The following SNTG1 variants were observed in gnomAD, a reference collection of about 807,000 sequenced individuals.
SNTG1 encodes the protein gamma-1-syntrophin.
A neutral mutation model predicts 74.7 loss-of-function variants in SNTG1; 39 were observed. The observed-to-expected ratio is 0.52, with a 90% CI of 0.40 to 0.68. SNTG1 has a LOEUF of 0.68. Ranked by LOEUF, SNTG1 falls within the 30% of genes least tolerant of loss-of-function variation. The pLI, the probability that SNTG1 is intolerant of heterozygous loss-of-function variation, is 0.00. For missense variants in SNTG1, 685 were observed against 609.5 expected, an observed-to-expected ratio of 1.12 and a Z score of -1.30; for synonymous variants, 254 against 217.1, an observed-to-expected ratio of 1.17 and a Z score of -1.49.
chr8:50,228,937 T>C (rs1237518719), intron 2 of SNTG1, among the ~76,000 whole-genome samples: 1 of 151,760 alleles, frequency 6.6e-6, no homozygotes, highest in Non-Finnish European at 1.5e-5. Flanking sequence ...ATAGTAACAA[T>C]TATAAAGTGA....
At chr8:50,116,323 G>C (rs1334279347) in intron 1 of SNTG1, among the ~76,000 whole-genome samples, 1 of 151,572 alleles carries the variant, frequency 6.6e-6, no homozygotes, top group Non-Finnish European at 1.5e-5. Context: ...CTGTGAAGTA[G>C]GATTTTACTC....
chr8:50,067,789 C>G (rs1040828389), intron 1 of SNTG1, among the ~76,000 whole-genome samples: 1 of 152,150 alleles, frequency 6.6e-6, no homozygotes, highest in African/African-American at 2.4e-5. Flanking sequence ...CTTAGGGTCA[C>G]CCACAGATGA....
At chr8:50,700,139 T>C (rs139812579) in intron 15 of SNTG1, among the ~76,000 whole-genome samples, 2,398 of 152,292 alleles carry the variant, frequency 0.016, 39 homozygotes, top group Middle Eastern at 0.037. Flanking sequence ...AATATATACA[T>C]TCTTATTTAA....
intron 13 of SNTG1, among the ~76,000 whole-genome samples, chr8:50,598,170 C>T (rs530523521): frequency 1.3e-5 from 2 of 151,926 alleles, no homozygotes; most frequent in South Asian, 4.1e-4. Flanking sequence ...AGCAATTTCC[C>T]TATGCTTTCT....
chr8:50,742,498 C>A (rs118110249), intron 17 of SNTG1, among the ~76,000 whole-genome samples: 4 of 150,752 alleles, frequency 2.7e-5, no homozygotes, highest in Non-Finnish European at 5.9e-5. Flanking sequence ...TGAGACAAAG[C>A]GAAAGCAGTA....
At chr8:50,737,438 G>A (rs1448473412) in intron 17 of SNTG1, among the ~76,000 whole-genome samples, 1 of 151,990 alleles carries the variant, frequency 6.6e-6, no homozygotes, top group Non-Finnish European at 1.5e-5. Flanking sequence ...ACCAAAAAAA[G>A]CACAGGACTA....
intron 15 of SNTG1, among the ~76,000 whole-genome samples, chr8:50,663,982 T>C (rs965031002): frequency 6.6e-6 from 1 of 152,172 alleles, no homozygotes; most frequent in Non-Finnish European, 1.5e-5. Context: ...CAAATGCATA[T>C]GTTCTGCCCA....
intron 1 of SNTG1, among the ~76,000 whole-genome samples, chr8:50,136,389 T>A (rs2131434115): frequency 6.6e-6 from 1 of 152,294 alleles, no homozygotes; most frequent in African/African-American, 2.4e-5. Flanking sequence ...ATAAGCTTTC[T>A]CTTTTGTCTT....
At chr8:50,631,457 T>A (rs919765598) in intron 13 of SNTG1, among the ~76,000 whole-genome samples, 1 of 152,186 alleles carries the variant, frequency 6.6e-6, no homozygotes, top group Non-Finnish European at 1.5e-5. Flanking sequence ...CTGAGCAACA[T>A]TCTTTTTATT....
chr8:50,483,452 G>A, intron 8 of SNTG1, among the ~76,000 whole-genome samples: 1 of 151,892 alleles, frequency 6.6e-6, no homozygotes, highest in Admixed American at 6.6e-5. Flanking sequence ...TTTTCTCTTG[G>A]TGGTACAGCT....
At chr8:50,323,815 T>A (rs2090624677) in intron 2 of SNTG1, among the ~76,000 whole-genome samples, 1 of 150,648 alleles carries the variant, frequency 6.6e-6, no homozygotes, top group African/African-American at 2.4e-5. Context: ...CCTGAACATG[T>A]CCAGAGATGC....
chr8:50,332,035 C>T (rs192023302), intron 2 of SNTG1, among the ~76,000 whole-genome samples: 1 of 152,120 alleles, frequency 6.6e-6, no homozygotes, highest in African/African-American at 2.4e-5. Flanking sequence ...ATTCTGAGGC[C>T]ATGCTGTTAA....
At chr8:50,399,608 T>A (rs1781430808) in intron 3 of SNTG1, among the ~76,000 whole-genome samples, 1 of 152,148 alleles carries the variant, frequency 6.6e-6, no homozygotes, top group Non-Finnish European at 1.5e-5. Flanking sequence ...TCCTGGAATA[T>A]ACTGTACTGA....
intron 2 of SNTG1, among the ~76,000 whole-genome samples, chr8:50,393,553 C>T (rs1322688147): frequency 6.6e-6 from 1 of 152,072 alleles, no homozygotes; most frequent in East Asian, 1.9e-4. Context: ...GTAATGAAAA[C>T]AAAACACTCC....
intron 1 of SNTG1, among the ~76,000 whole-genome samples, chr8:50,076,243 C>T (rs1055808296): frequency 5.9e-5 from 9 of 152,048 alleles, no homozygotes; most frequent in African/African-American, 2.2e-4. Context: ...CCCTTTTTCT[C>T]AGTCATACAT....
chr8:50,176,976 G>A (rs1463683715), intron 2 of SNTG1, among the ~76,000 whole-genome samples: 1 of 152,116 alleles, frequency 6.6e-6, no homozygotes, highest in South Asian at 2.1e-4. Context: ...TCAAGAGAAG[G>A]TGGGACTGTG....
chr8:50,503,743 C>T (rs1233284120), intron 9 of SNTG1, among the ~76,000 whole-genome samples: 1 of 151,932 alleles, frequency 6.6e-6, no homozygotes, highest in Admixed American at 6.6e-5. Context: ...TTTATTATTC[C>T]ATTGTATGAA....
At chr8:50,559,431 A>T (rs939698535) in intron 12 of SNTG1, among the ~76,000 whole-genome samples, 21 of 152,114 alleles carry the variant, frequency 1.4e-4, no homozygotes, top group African/African-American at 5.1e-4. Flanking sequence ...GCTAATACCT[A>T]CTAAAAGAAG....
chr8:50,383,304 G>C lies in SNTG1; in HGVS notation c.-27-10908G>C, dbSNP rs1030549662. Among the ~76,000 whole-genome samples, 3 of 152,086 alleles carry C rather than the reference G, an allele frequency of 2.0e-5. No homozygotes were observed. The East Asian group carries it at 5.8e-4, about 29-fold the overall frequency. ...TATTTCCCTAGAAGGGGATACAAAG[G>C]CCTTGAGTAATCTCCTTGATATGCT... On this transcript the variant is annotated intron_variant, in intron 2 of 18. Coordinates refer to ENST00000642720, the MANE Select transcript of SNTG1 (RefSeq NM_018967.5).
Sources: gnomAD v4.1 joint callset for allele counts (sites outside exome capture counted in the v4.1 genomes callset) on GRCh38, gnomAD v4.1.1 for gene constraint, MANE v1.5 for transcripts, NCBI Gene and HGNC (gene_info 2026-07-23, HGNC 2026-07-21) for gene names.